The following TM4SF20 variants were observed in gnomAD, a reference collection of about 807,000 sequenced individuals.
TM4SF20 encodes transmembrane 4 L6 family member 20.
In TM4SF20, 13 loss-of-function variants were observed where a neutral mutation model predicts 15.1. That is an observed-to-expected ratio of 0.86 (90% confidence interval 0.56 to 1.36). TM4SF20 has a LOEUF of 1.36. Among genes scored for constraint, TM4SF20 ranks in the 40% most tolerant of loss-of-function variants. The pLI is 0.00. For missense variants in TM4SF20, 282 were observed against 268.4 expected (o/e 1.05, Z -0.35); for synonymous variants, 92 against 96.6 (o/e 0.95, Z 0.28).
chr2:227,380,958 A>G (rs1266862525), upstream of TM4SF20, among the ~76,000 whole-genome samples: 1 of 152,142 alleles, frequency 6.6e-6, no homozygotes, highest in Non-Finnish European at 1.5e-5. Flanking sequence ...GTATGAAAGG[A>G]TTTGTATAAA....
intron 3 of TM4SF20, among the ~76,000 whole-genome samples, chr2:227,365,411 G>T (rs1253624832): frequency 6.6e-6 from 1 of 152,126 alleles, no homozygotes; most frequent in African/African-American, 2.4e-5. Context: ...TTTACAAATT[G>T]TGTCTAGATT....
intron 2 of TM4SF20, 90 bp downstream of exon 2, chr2:227,370,825 C>A: frequency 9.8e-7 from 1 of 1,022,730 alleles, no homozygotes; most frequent in Non-Finnish European, 1.6e-6. Context: ...CACTGTGATT[C>A]GGTAGATGCG....
intron 1 of TM4SF20, 92 bp from the exon 2 acceptor site, chr2:227,371,072 G>T: frequency 9.2e-7 from 1 of 1,092,470 alleles, no homozygotes; most frequent in Non-Finnish European, 1.4e-6. Context: ...CACCAGTTGT[G>T]GGAAATCAAG....
At chr2:227,375,929 T>TA (rs2106495626) in intron 1 of TM4SF20, among the ~76,000 whole-genome samples, 1 of 152,334 alleles carries the variant, frequency 6.6e-6, no homozygotes, top group South Asian at 2.1e-4. Flanking sequence ...CCTTTCTGTT[T>TA]ATATGTTTTC....
At chr2:227,373,271 T>TGGAGGCA (rs1560006310) in intron 1 of TM4SF20, among the ~76,000 whole-genome samples, 3,589 of 152,326 alleles carry the variant, frequency 0.024, 143 homozygotes, top group African/African-American at 0.081. Flanking sequence ...ACTGCCTCCA[T>TGGAGGCA]GTCACTTTGT....
chr2:227,376,049 T>C (rs1488743511), intron 1 of TM4SF20, among the ~76,000 whole-genome samples: 3 of 152,236 alleles, frequency 2.0e-5, no homozygotes, highest in African/African-American at 7.2e-5. Flanking sequence ...TACTTAGTCA[T>C]AGTTTTAGAA....
intron 1 of TM4SF20, among the ~76,000 whole-genome samples, chr2:227,373,700 G>A (rs1284862567): frequency 6.6e-6 from 1 of 152,058 alleles, no homozygotes; most frequent in Non-Finnish European, 1.5e-5. Flanking sequence ...GGAAGCCAAG[G>A]TGGGCGGATC....
At chr2:227,381,269 G>T (rs4675173), upstream of TM4SF20, among the ~76,000 whole-genome samples, 122,226 of 151,822 alleles carry the variant, frequency 0.81, 49,759 homozygotes, top group Non-Finnish European at 0.87. Context: ...AGAGTGAGAC[G>T]CCATCTTAAA....
At chr2:227,376,540 T>A (rs1486404161) in intron 1 of TM4SF20, among the ~76,000 whole-genome samples, 1 of 152,238 alleles carries the variant, frequency 6.6e-6, no homozygotes, top group Non-Finnish European at 1.5e-5. Context: ...TTAATGACAT[T>A]CTATAATACA....
intron 1 of TM4SF20, among the ~76,000 whole-genome samples, chr2:227,378,738 G>A (rs1005776608): frequency 6.6e-6 from 1 of 152,138 alleles, no homozygotes; most frequent in African/African-American, 2.4e-5. Flanking sequence ...CTTAGAGACT[G>A]GTATGGAGCA....
intron 1 of TM4SF20, among the ~76,000 whole-genome samples, chr2:227,375,324 T>C (rs1036416268): frequency 9.9e-5 from 15 of 151,936 alleles, no homozygotes; most frequent in Non-Finnish European, 2.1e-4. Flanking sequence ...TCCCAGGAGG[T>C]TGAGGATGCA....
intron 1 of TM4SF20, among the ~76,000 whole-genome samples, chr2:227,377,253 C>T (rs949500420): frequency 6.6e-6 from 1 of 152,206 alleles, no homozygotes; most frequent in African/African-American, 2.4e-5. Flanking sequence ...TTAAGTCATG[C>T]TCAGCCAGCT....
intron 2 of TM4SF20, among the ~76,000 whole-genome samples, chr2:227,370,423 AC>A (rs556523663): frequency 1.8e-4 from 28 of 152,070 alleles, no homozygotes; most frequent in Admixed American, 4.6e-4. Context: ...GGACAAAAAA[AC>A]CCGTCTCACT....
upstream of TM4SF20, chr2:227,381,445 A>AT (rs1348745415): frequency 2.0e-5 from 3 of 151,920 alleles, no homozygotes; most frequent in South Asian, 4.1e-4. Flanking sequence ...AAAAAAATAT[A>AT]TTTTTTATTT....
intron 3 of TM4SF20, 141 bp downstream of exon 3, chr2:227,365,952 A>G: frequency 1.3e-6 from 1 of 742,506 alleles, no homozygotes. Context: ...AACTGGCGTT[A>G]ATGTACTAAA....
At chr2:227,371,433 T>G (rs2076420776) in intron 1 of TM4SF20, among the ~76,000 whole-genome samples, 1 of 152,178 alleles carries the variant, frequency 6.6e-6, no homozygotes, top group Non-Finnish European at 1.5e-5. Flanking sequence ...CTTGAACTCC[T>G]GGGCTCAAAT....
intron 2 of TM4SF20, among the ~76,000 whole-genome samples, chr2:227,369,427 CTTT>C (rs57148409): frequency 8.0e-6 from 1 of 125,326 alleles, no homozygotes. Context: ...CCCCATCTGT[CTTT>C]TTTTTTTTTT....
upstream of TM4SF20, among the ~76,000 whole-genome samples, chr2:227,380,736 G>A (rs1575027665): frequency 7.6e-6 from 1 of 131,526 alleles, no homozygotes; most frequent in African/African-American, 2.5e-5. Flanking sequence ...AGTGAGTGCT[G>A]TTGGGAATGG....
At chr2:227,366,731 AAAAAAAAAAAAAAAAAAAAAAAAAAG>A (rs1337301877) in intron 2 of TM4SF20, among the ~76,000 whole-genome samples, 3 of 26,206 alleles carry the variant, frequency 1.1e-4, no homozygotes, top group African/African-American at 3.9e-4. Flanking sequence ...AAAAAAAAAA[AAAAAAAAAAAAAAAAAAAAAAAAAAG>A]ATGGTTTGGC....
Sources: gnomAD v4.1 joint callset for allele counts (sites outside exome capture counted in the v4.1 genomes callset) on GRCh38, gnomAD v4.1.1 for gene constraint, MANE v1.5 for transcripts, NCBI Gene and HGNC (gene_info 2026-07-23, HGNC 2026-07-21) for gene names.